SMARCA4: variants seen among roughly 807,000 people sequenced by gnomAD.
SMARCA4 encodes SWI/SNF related BAF chromatin remodeling complex subunit ATPase 4.
In SMARCA4, 31 loss-of-function variants were observed where a neutral mutation model predicts 193.9. That is an observed-to-expected ratio of 0.16 (90% CI 0.12 to 0.22). The LOEUF (loss-of-function observed/expected upper bound fraction) is 0.22. SMARCA4 is among the 10% of genes least tolerant of loss of function. SMARCA4 has a pLI of 1.00. For synonymous variants in SMARCA4, 942 were observed against 933.1 expected (o/e 1.01, Z -0.17); for missense variants, 1,148 against 2,296.0 (o/e 0.50, Z 10.22).
intron 1 of SMARCA4, among the ~76,000 whole-genome samples, chr19:10,974,263 C>T (rs2084920497): frequency 6.6e-6 from 1 of 152,130 alleles, no homozygotes. Context: ...GACCTCTTCT[C>T]TTCCTCAAGC....
At chr19:11,036,217 G>T (rs1317616709) in intron 29 of SMARCA4, among the ~76,000 whole-genome samples, 1 of 152,252 alleles carries the variant, frequency 6.6e-6, no homozygotes, top group Non-Finnish European at 1.5e-5. Context: ...TGAAAAGACA[G>T]TGTGAGCCCT....
rs1489329974 is a variant in SMARCA4 at position 11,060,323 on chromosome 19, G to A, written c.4911+136G>A. The A allele has an allele frequency of 1.7e-5, 19 of 1,121,498 alleles. No homozygotes were observed. The East Asian group carries it at 4.9e-4, about 29-fold the overall frequency. The allele number at this position is 1,121,498 out of a possible 1,614,324, so 69.5% of individuals were successfully genotyped here. The stretch of plus-strand genomic sequence containing the variant: ...GGAAAGCTGAGGCTTGACCTGCCAT[G>A]GCTGACCCCAGGTCACACAGCCAGT... On this transcript the variant is annotated intron_variant, in intron 34 of 34. Transcript: ENST00000344626.
At position 11,031,905 on chromosome 19, in the gene SMARCA4, G is replaced by C. The variant is rs544363947; in HGVS notation, c.3546+1012G>C. ...CAAAGTGGTTTCACTCCTACGCTGGGGTGTGAATGTACCCTGCCCTTCCCT... is the reference window on the plus strand; with the variant it reads ...CAAAGTGGTTTCACTCCTACGCTGGCGTGTGAATGTACCCTGCCCTTCCCT... On this transcript the variant is annotated intron_variant, in intron 25 of 34. Coordinates refer to ENST00000344626, the MANE Select transcript of SMARCA4 (RefSeq NM_003072.5). The surrounding 1 kb of genome is among the most constrained non-coding windows in gnomAD (Gnocchi z 4.3). 1 of 152,368 alleles carries C rather than the reference G, an allele frequency of 6.6e-6. No individual in the cohort carries two copies. Among genetic ancestry groups the C allele is most frequent in the South Asian group, 2.1e-4 (1 of 4,832 alleles). The allele number at this position is 152,368 out of a possible 1,614,324, so 9.4% of individuals were successfully genotyped here. A position where few individuals can be genotyped will look rare whatever the true frequency, so the allele number is the denominator to read the frequency against.
At position 10,986,886 on chromosome 19, in the gene SMARCA4, T is replaced by C. The variant is rs2145794329; in HGVS notation, c.761-19T>C. 1 of 1,596,064 alleles carries C rather than the reference T, an allele frequency of 6.3e-7. No individual in the cohort carries two copies. Among genetic ancestry groups the C allele is most frequent in the South Asian group, 1.1e-5 (1 of 90,744 alleles). Reference sequence around the variant, plus strand: ...ACCTGGGACGCACTGTTTTCTCTTTTGTTTCTCCCTACATGTAGGTATGGG... The same window carrying C: ...ACCTGGGACGCACTGTTTTCTCTTTCGTTTCTCCCTACATGTAGGTATGGG... On this transcript the variant is annotated intron_variant, in intron 4 of 34. Transcript: ENST00000344626. This position sits in a 1 kb window ranked among gnomAD's most constrained non-coding sequence, Gnocchi z 6.7.
chr19:10,962,982 A>G (rs940155907), intron 1 of SMARCA4, among the ~76,000 whole-genome samples: 8 of 152,084 alleles, frequency 5.3e-5, no homozygotes, highest in African/African-American at 1.9e-4. Context: ...GGCTGGCCCC[A>G]CAGTACCCTG....
At chr19:11,038,583 C>A (rs1390627775) in intron 29 of SMARCA4, among the ~76,000 whole-genome samples, 1 of 152,160 alleles carries the variant, frequency 6.6e-6, no homozygotes, top group Non-Finnish European at 1.5e-5. Flanking sequence ...TCCCTCCTTC[C>A]TGGCACCTGA....
At chr19:10,994,782 A>C (rs750605363) in intron 8 of SMARCA4, 46 bp from the exon 9 acceptor site, 2 of 1,559,502 alleles carry the variant, frequency 1.3e-6, no homozygotes, top group Admixed American at 1.7e-5. Flanking sequence ...AGATGTGTCC[A>C]CCATGCTGCT....
intron 34 of SMARCA4, among the ~76,000 whole-genome samples, chr19:11,060,780 G>T (rs116806104): frequency 1.3e-5 from 2 of 152,194 alleles, no homozygotes; most frequent in Non-Finnish European, 2.9e-5. Flanking sequence ...TGGATTAGGG[G>T]GCTGCCCCCA....
chr19:10,999,643 G>A (rs1248611616), intron 11 of SMARCA4, among the ~76,000 whole-genome samples: 1 of 152,112 alleles, frequency 6.6e-6, no homozygotes, highest in Non-Finnish European at 1.5e-5. Flanking sequence ...GGTCAAGACA[G>A]TGAGACCCTA....
At chr19:11,024,293 C>A in intron 20 of SMARCA4, 38 bp from the exon 21 acceptor site, 1 of 1,467,316 alleles carries the variant, frequency 6.8e-7, no homozygotes. Flanking sequence ...GGCCTCAAGC[C>A]ACCTTGGGCC....
chr19:11,025,368 AC>A, intron 21 of SMARCA4, 53 bp from the exon 22 acceptor site: 2 of 1,202,744 alleles, frequency 1.7e-6, no homozygotes. Flanking sequence ...CACCAAGCCC[AC>A]CCCACCCCAG....
chr19:10,963,881 A>G (rs2145403635), intron 1 of SMARCA4, among the ~76,000 whole-genome samples: 2 of 151,506 alleles, frequency 1.3e-5, no homozygotes, highest in South Asian at 2.1e-4. Flanking sequence ...GCTGCAGTGG[A>G]CCATGATTGA....
At chr19:11,057,457 G>C (rs2076608488) in intron 30 of SMARCA4, among the ~76,000 whole-genome samples, 1 of 152,234 alleles carries the variant, frequency 6.6e-6, no homozygotes, top group African/African-American at 2.4e-5. Flanking sequence ...CAGGCCGGCT[G>C]CAGTGGCTTC....
intron 30 of SMARCA4, among the ~76,000 whole-genome samples, chr19:11,051,600 C>T (rs1377657762): frequency 6.6e-6 from 1 of 151,468 alleles, no homozygotes; most frequent in Non-Finnish European, 1.5e-5. Flanking sequence ...AAGCAATTCT[C>T]CTGTTTCAGC....
chr19:11,002,385 A>G lies in SMARCA4; in HGVS notation c.1813-644A>G, dbSNP rs182733736. Among the ~76,000 whole-genome samples, 667 of 152,312 alleles carry G rather than the reference A, an allele frequency of 4.4e-3. 4 individuals are homozygous for G. Among genetic ancestry groups the G allele is most frequent in the African/African-American group, 0.015 (624 of 41,572 alleles). On this transcript the variant is annotated intron_variant, in intron 11 of 34. Coordinates refer to ENST00000344626, the MANE Select transcript of SMARCA4 (RefSeq NM_003072.5). ...TCCCAGCTACTCTGGAGGCTGAGGC[A>G]GGAGAATGGCATGAACCTGGGAGGT...
At position 11,019,071 on chromosome 19, in the gene SMARCA4, C is replaced by A. The variant is rs372092028; in HGVS notation, c.2505+48C>A. The A allele has an allele frequency of 1.4e-6, 2 of 1,437,698 alleles. No homozygotes were observed. Among genetic ancestry groups the A allele is most frequent in the Non-Finnish European group, 2.0e-6 (2 of 1,019,062 alleles). The allele number at this position is 1,437,698 out of a possible 1,614,324, so 89.1% of individuals were successfully genotyped here. A position where few individuals can be genotyped will look rare whatever the true frequency, so the allele number is the denominator to read the frequency against. ...TCCTCTCTTGCTACGGAGGTGCAGGCGGTGGTGGGCAGGACGTCCACACAT... is the reference window on the plus strand; with the variant it reads ...TCCTCTCTTGCTACGGAGGTGCAGGAGGTGGTGGGCAGGACGTCCACACAT... On this transcript the variant is annotated intron_variant, in intron 17 of 34. Coordinates refer to ENST00000344626, the MANE Select transcript of SMARCA4 (RefSeq NM_003072.5). The surrounding 1 kb of genome is among the most constrained non-coding windows in gnomAD (Gnocchi z 6.1).
Position 10,987,836 on chromosome 19 carries a change from C to A in SMARCA4, c.1030C>A (p.Pro344Thr), listed in dbSNP as rs771509538. 3.1e-6 allele frequency: 5 copies of A among 1,610,956 alleles called. No homozygotes were observed. Among genetic ancestry groups the A allele is most frequent in the Non-Finnish European group, 3.4e-6 (4 of 1,179,094 alleles). The change falls in exon 6 of 35, where the codon CCA (proline) becomes ACA (threonine). Residue 344 changes from proline to threonine, a missense_variant. Pro to Thr is a conservative substitution (Grantham distance 38, BLOSUM62 -1). Around this residue, in one of 17 missense-constraint regions of SMARCA4, gnomAD observed 257 missense variants for 276.5 expected, o/e 0.93. Transcript: ENST00000344626. The surrounding 1 kb of genome is among the most constrained non-coding windows in gnomAD (Gnocchi z 5.3). ...GCCGGCCCAGCCCGCGCCCATGGTG[C>A]CACTGCACCAGAAGCAGAGCCGCAT... ...GQPAQPAPMV[P>T]LHQKQSRITP...
At chr19:10,997,418 TCAATCTCC>T (rs2087178375) in intron 11 of SMARCA4, among the ~76,000 whole-genome samples, 1 of 151,976 alleles carries the variant, frequency 6.6e-6, no homozygotes, top group Non-Finnish European at 1.5e-5. Context: ...CAGGATGGTT[TCAATCTCC>T]TGACCTCGTG....
Position 10,986,520 on chromosome 19 carries a change from ACCCGGCCCTGGCCCTGGCCCTGGC to A in SMARCA4, c.696_719del (p.Gly237_Pro244del), listed in dbSNP as rs1568423251. 1.3e-6 allele frequency: 2 copies of A among 1,543,588 alleles called. No individual in the cohort carries two copies. The highest frequency in any genetic ancestry group is 1.7e-6 in the Non-Finnish European group (2 of 1,146,732). On this transcript the variant is annotated inframe_deletion, in exon 4 of 35. Coordinates refer to ENST00000344626, the MANE Select transcript of SMARCA4 (RefSeq NM_003072.5). The surrounding 1 kb of genome is among the most constrained non-coding windows in gnomAD (Gnocchi z 6.7). The stretch of plus-strand genomic sequence containing the variant: ...CTCCACCCTCGGTGTCCGCAACAGG[ACCCGGCCCTGGCCCTGGCCCTGGC>A]CCCGGCCCGGGTCCCGGCCCGGCAC...
Sources: allele counts gnomAD v4.1 joint callset (sites outside exome capture counted in the v4.1 genomes callset), GRCh38; gene constraint gnomAD v4.1.1; regional missense constraint gnomAD v4.1.1; non-coding constraint Gnocchi (gnomAD v3.1); transcripts MANE v1.5; gene names NCBI Gene and HGNC (gene_info 2026-07-23, HGNC 2026-07-21).